Variants in RBFOX1 observed in about 807,000 individuals in gnomAD.
The protein encoded by RBFOX1 is RNA binding fox-1 homolog 1.
RBFOX1 carries 8 observed loss-of-function variants against 57.7 expected under a neutral mutation model. The observed-to-expected ratio is 0.14, with a 90% confidence interval of 0.08 to 0.25. The LOEUF (loss-of-function observed/expected upper bound fraction) is 0.25, where lower values mean the gene tolerates loss of function less well. RBFOX1 is among the 10% of genes least tolerant of loss of function. The pLI is 1.00. For missense variants in RBFOX1, 611 were observed against 548.5 expected, an observed-to-expected ratio of 1.11 and a Z score of -1.14; for synonymous variants, 326 against 222.4, an observed-to-expected ratio of 1.47 and a Z score of -4.15.
At chr16:6,601,738 T>G (rs1457175074) in intron 2 of RBFOX1, among the ~76,000 whole-genome samples, 3 of 151,850 alleles carry the variant, frequency 2.0e-5, no homozygotes, top group African/African-American at 4.8e-5. Context: ...TTTGTTGAGG[T>G]CAAGAGCAAG....
rs572414296 is a variant in RBFOX1, at chr16:6,990,425, G to A, written c.-15-61632G>A. Among the ~76,000 whole-genome samples, 30 of 152,068 alleles carry A rather than the reference G, an allele frequency of 2.0e-4. No individual in the cohort carries two copies. The East Asian group carries it at 3.3e-3, about 17-fold the overall frequency. ...CTGTAATCCCAGCTATTCAGGAGTC[G>A]GAGGCAGGAGAATCGCTTGAACCTG... is the stretch of plus-strand genomic sequence containing the variant. On this transcript the variant is annotated intron_variant, in intron 3 of 15. Transcript: ENST00000550418.
intron 2 of RBFOX1, among the ~76,000 whole-genome samples, chr16:6,393,182 C>A (rs1401967369): frequency 2.0e-5 from 3 of 152,206 alleles, no homozygotes; most frequent in Admixed American, 6.5e-5. Flanking sequence ...AATTTTACCC[C>A]TCCATCTGTA....
intron 1 of RBFOX1, among the ~76,000 whole-genome samples, chr16:6,303,431 T>G (rs1420034285): frequency 6.6e-6 from 1 of 152,126 alleles, no homozygotes; most frequent in Non-Finnish European, 1.5e-5. Context: ...AGCAGCTAGC[T>G]AGTTTCTTTT....
At chr16:6,201,568 A>T (rs1361209663) in intron 1 of RBFOX1, among the ~76,000 whole-genome samples, 1 of 152,166 alleles carries the variant, frequency 6.6e-6, no homozygotes, top group East Asian at 1.9e-4. Context: ...GTGTAAAAAT[A>T]CAGTTGATAG....
chr16:6,598,189 T>C (rs2097796908), intron 2 of RBFOX1, among the ~76,000 whole-genome samples: 1 of 152,230 alleles, frequency 6.6e-6, no homozygotes, highest in African/African-American at 2.4e-5. Context: ...CATTCATAAA[T>C]ATGTAGGGTT....
chr16:6,052,675 T>C (rs957728496), intron 1 of RBFOX1, among the ~76,000 whole-genome samples: 5 of 151,720 alleles, frequency 3.3e-5, no homozygotes, highest in Non-Finnish European at 7.4e-5. Context: ...TCCCAGCTAC[T>C]CGGGAGGCTG....
At chr16:6,563,674 T>C (rs1346274899) in intron 2 of RBFOX1, among the ~76,000 whole-genome samples, 1 of 151,944 alleles carries the variant, frequency 6.6e-6, no homozygotes, top group East Asian at 1.9e-4. Flanking sequence ...CAAAAGCTCA[T>C]CTCTACAAAA....
At chr16:5,520,386 A>G (rs150080818) in intron 2 of RBFOX1, among the ~76,000 whole-genome samples, 2 of 152,344 alleles carry the variant, frequency 1.3e-5, no homozygotes, top group Non-Finnish European at 2.9e-5. Flanking sequence ...GCAGAGTGGT[A>G]CAGCTGACTC....
chr16:7,025,554 C>G (rs2040651211), intron 3 of RBFOX1, among the ~76,000 whole-genome samples: 1 of 152,080 alleles, frequency 6.6e-6, no homozygotes, highest in Non-Finnish European at 1.5e-5. Context: ...AAACCGGATC[C>G]CAAGACATAA....
intron 4 of RBFOX1, among the ~76,000 whole-genome samples, chr16:7,365,089 C>G (rs2097415668): frequency 6.6e-6 from 1 of 152,178 alleles, no homozygotes. Context: ...ATCTATCTAT[C>G]CATCCATCTA....
rs943374938 is a variant in RBFOX1 at position 6,309,088 on chromosome 16, C to T, written c.-126-7907C>T. Among the ~76,000 whole-genome samples the T allele has an allele frequency of 1.3e-5, 2 of 152,018 alleles. 1 individual carries two copies. The highest frequency in any genetic ancestry group is 4.8e-5 in the African/African-American group (2 of 41,396). On this transcript the variant is annotated intron_variant, in intron 1 of 15. Transcript: ENST00000550418. The stretch of plus-strand genomic sequence containing the variant: ...TAATCAGGTCTCATGTGTATATTTC[C>T]TTTCAAACCACTGCGTTCGCCTGTT...
chr16:6,869,834 G>A (rs1206037768), intron 3 of RBFOX1, among the ~76,000 whole-genome samples: 2 of 152,134 alleles, frequency 1.3e-5, no homozygotes, highest in African/African-American at 4.8e-5. Flanking sequence ...TGAGCTGACT[G>A]CTTCACGGGA....
At chr16:7,626,120 A>C (rs930377044) in intron 10 of RBFOX1, among the ~76,000 whole-genome samples, 1 of 152,252 alleles carries the variant, frequency 6.6e-6, no homozygotes, top group Non-Finnish European at 1.5e-5. Flanking sequence ...GATTTCCTGG[A>C]AAAAGACAAA....
At chr16:6,599,475 C>G (rs550746529) in intron 2 of RBFOX1, among the ~76,000 whole-genome samples, 1 of 152,120 alleles carries the variant, frequency 6.6e-6, no homozygotes, top group African/African-American at 2.4e-5. Context: ...CAAAAAAATA[C>G]TAAGCGACAC....
rs190378370 is a variant in RBFOX1 at position 6,295,150 on chromosome 16, A to T, written c.-126-21845A>T. ...TTGAGACGGGGTATCTCTCTGTCGG[A>T]GTCTCTCTCCATCGCCAGGCTGGAG... On this transcript the variant is annotated intron_variant, in intron 1 of 15. Transcript: ENST00000550418. Among the ~76,000 whole-genome samples, 576 of 127,676 alleles carry T rather than the reference A, an allele frequency of 4.5e-3. 12 individuals are homozygous for T. Among genetic ancestry groups the T allele is most frequent in the African/African-American group, 0.017 (548 of 31,724 alleles). The allele number at this position is 127,676 out of a possible 152,430, so 83.8% of individuals were successfully genotyped here.
intron 3 of RBFOX1, among the ~76,000 whole-genome samples, chr16:6,953,374 A>AT (rs60974068): frequency 1.3e-5 from 2 of 151,652 alleles, no homozygotes; most frequent in African/African-American, 2.4e-5. Flanking sequence ...CATATACATG[A>AT]TTTTTTTTGT....
intron 3 of RBFOX1, among the ~76,000 whole-genome samples, chr16:6,939,657 G>A (rs568529329): frequency 9.2e-5 from 14 of 151,902 alleles, no homozygotes; most frequent in African/African-American, 2.2e-4. Context: ...GATTACAGCC[G>A]TGTGCTACCA....
intron 3 of RBFOX1, among the ~76,000 whole-genome samples, chr16:6,820,584 G>T (rs1421265935): frequency 6.6e-6 from 1 of 152,006 alleles, no homozygotes; most frequent in Non-Finnish European, 1.5e-5. Flanking sequence ...TTTTGAGCCC[G>T]GGAGTTAGAG....
At chr16:6,266,787 A>T (rs1290730400) in intron 1 of RBFOX1, among the ~76,000 whole-genome samples, 1 of 152,046 alleles carries the variant, frequency 6.6e-6, no homozygotes, top group East Asian at 1.9e-4. Context: ...AGAATGTTAG[A>T]ATCCTTAAAG....
Sources: allele counts gnomAD v4.1 joint callset (sites outside exome capture counted in the v4.1 genomes callset), GRCh38; gene constraint gnomAD v4.1.1; transcripts MANE v1.5; gene names NCBI Gene and HGNC (gene_info 2026-07-23, HGNC 2026-07-21).